DOCK11: variants seen among roughly 807,000 people sequenced by gnomAD.
DOCK11 encodes the protein dedicator of cytokinesis 11.
DOCK11 carries 70 observed loss-of-function variants against 169.1 expected under a neutral mutation model. That is an observed-to-expected ratio of 0.41 (90% confidence interval 0.34 to 0.51). The LOEUF is 0.51. Ranked by LOEUF, DOCK11 falls within the 20% of genes least tolerant of loss-of-function variation. The probability of loss-of-function intolerance (pLI) is 0.10; values close to 1 mark genes in which losing one functional copy is unlikely to be tolerated. For synonymous variants in DOCK11, 529 were observed against 541.3 expected, an observed-to-expected ratio of 0.98 and a Z score of 0.32; for missense variants, 1,166 against 1,538.8, an observed-to-expected ratio of 0.76 and a Z score of 4.05.
At chrX:118,597,700 C>A in intron 21 of DOCK11, 148 bp downstream of exon 21, 1 of 623,462 alleles carries the variant, frequency 1.6e-6, no homozygotes, top group Non-Finnish European at 2.3e-6. Flanking sequence ...ATGGAATGTG[C>A]ATGTTTAGAA....
In DOCK11 at chrX:118,542,718, T is replaced by C; in HGVS notation, c.103-7T>C. ...TCATAATAACTTTACTTTTGTCTCTTATAAAGGAAAAGGCCAAAGTTGTTG... is the reference window on the plus strand; with the variant it reads ...TCATAATAACTTTACTTTTGTCTCTCATAAAGGAAAAGGCCAAAGTTGTTG... On this transcript the variant is annotated splice_region_variant and splice_polypyrimidine_tract_variant and intron_variant, in intron 1 of 52. Transcript: ENST00000276202. 1 of 1,182,756 alleles carries C rather than the reference T, an allele frequency of 8.5e-7. No homozygotes were observed. The highest frequency in any genetic ancestry group is 1.8e-5 in the South Asian group (1 of 55,119).
intron 48 of DOCK11, among the ~76,000 whole-genome samples, chrX:118,678,772 C>T (rs944767465): frequency 1.9e-5 from 2 of 106,736 alleles, no homozygotes; most frequent in Non-Finnish European, 3.9e-5. Flanking sequence ...CACGCCTGGC[C>T]GCTTTTAATT....
At chrX:118,658,804 C>G (rs762999009) in intron 44 of DOCK11, among the ~76,000 whole-genome samples, 30 of 111,701 alleles carry the variant, frequency 2.7e-4, no homozygotes, top group African/African-American at 9.4e-4. Context: ...CACATTCTCC[C>G]TTTTTTCTTT....
intron 52 of DOCK11, among the ~76,000 whole-genome samples, chrX:118,683,800 A>T (rs7881623): frequency 1.8e-5 from 2 of 112,355 alleles, no homozygotes; most frequent in East Asian, 2.8e-4. Context: ...GGATTTTTCA[A>T]ATCTACTGTC....
At chrX:118,526,963 G>A (rs1240467155) in intron 1 of DOCK11, among the ~76,000 whole-genome samples, 1 of 111,474 alleles carries the variant, frequency 9.0e-6, no homozygotes, top group African/African-American at 3.3e-5. Context: ...AAACACGATG[G>A]GACTCCAAAA....
intron 40 of DOCK11, among the ~76,000 whole-genome samples, chrX:118,647,765 T>TA (rs2015757397): frequency 5.6e-5 from 2 of 35,511 alleles, no homozygotes; most frequent in East Asian, 1.5e-3. Context: ...ATATAATATA[T>TA]TATAATATAT....
At chrX:118,643,730 A>G (rs2049410526) in intron 40 of DOCK11, 136 bp downstream of exon 40, 1 of 705,616 alleles carries the variant, frequency 1.4e-6, no homozygotes, top group African/African-American at 2.2e-5. Flanking sequence ...GTAAATAGAA[A>G]TACAGAACAA....
chrX:118,560,652 A>G (rs771544828), intron 6 of DOCK11, among the ~76,000 whole-genome samples: 6 of 111,935 alleles, frequency 5.4e-5, no homozygotes, highest in Non-Finnish European at 1.1e-4. Context: ...CAGACTGTCA[A>G]AGTCTGTTTT....
intron 33 of DOCK11, 45 bp downstream of exon 33, chrX:118,627,624 C>A: frequency 1.1e-6 from 1 of 912,295 alleles, no homozygotes; most frequent in Non-Finnish European, 1.6e-6. Context: ...GGTGTTTAGA[C>A]ATGTACCCTC....
intron 14 of DOCK11, among the ~76,000 whole-genome samples, chrX:118,581,958 C>T (rs1454872099): frequency 3.7e-5 from 4 of 109,239 alleles, no homozygotes; most frequent in African/African-American, 6.7e-5. Context: ...GGTGAAACCC[C>T]GTCTCTGCTA....
chrX:118,637,184 A>C (rs1221229582), intron 36 of DOCK11, among the ~76,000 whole-genome samples: 1 of 110,748 alleles, frequency 9.0e-6, no homozygotes, highest in Non-Finnish European at 1.9e-5. Context: ...TTTACTAATG[A>C]AAATATCTGA....
Position 118,608,151 on chromosome X carries a change from G to C in DOCK11, c.2751+10G>C, listed in dbSNP as rs760402104. 16 of 1,196,118 alleles carry C rather than the reference G, an allele frequency of 1.3e-5. No homozygotes were observed. Among genetic ancestry groups the C allele is most frequent in the Non-Finnish European group, 1.8e-5 (16 of 888,965 alleles). ...AAGATCATTCATAAAGGTTTGTGGA[G>C]TAAAGTTTCTTTCTGAGCAATTTGT... On this transcript the variant is annotated intron_variant, in intron 25 of 52. Transcript: ENST00000276202.
intron 1 of DOCK11, among the ~76,000 whole-genome samples, chrX:118,522,316 TA>T (rs113083719): frequency 7.1e-4 from 72 of 101,465 alleles, no homozygotes; most frequent in Non-Finnish European, 5.3e-4. Context: ...AGACTTTGTC[TA>T]AAAAAAAAAA....
chrX:118,502,199 C>T (rs1361915102), intron 1 of DOCK11, among the ~76,000 whole-genome samples: 3 of 111,467 alleles, frequency 2.7e-5, no homozygotes, highest in Non-Finnish European at 3.8e-5. Flanking sequence ...CCAGCCCTGA[C>T]AAATGATTAT....
chrX:118,641,767 T>C (rs779121151), intron 39 of DOCK11, among the ~76,000 whole-genome samples: 3 of 111,210 alleles, frequency 2.7e-5, no homozygotes, highest in East Asian at 5.7e-4. Context: ...GCTATGATTT[T>C]AAAAAGAAGG....
intron 12 of DOCK11, among the ~76,000 whole-genome samples, chrX:118,577,666 T>G: frequency 8.9e-6 from 1 of 111,828 alleles, no homozygotes; most frequent in East Asian, 2.8e-4. Context: ...CTCTTAACAC[T>G]CAATTTTCTA....
At chrX:118,549,140 A>G (rs2012396804) in intron 6 of DOCK11, among the ~76,000 whole-genome samples, 1 of 43,819 alleles carries the variant, frequency 2.3e-5, no homozygotes, top group South Asian at 7.0e-4. Flanking sequence ...GATCATTAAC[A>G]TATAAAACTT....
At position 118,676,574 on chromosome X, in the gene DOCK11, GTTTAAC is replaced by G. The variant is rs2016613864; in HGVS notation, c.5314-12_5314-7del. 2.9e-6 allele frequency: 3 copies of G among 1,018,982 alleles called. No homozygotes were observed. The highest frequency in any genetic ancestry group is 3.9e-6 in the Non-Finnish European group (3 of 766,276). The allele number at this position is 1,018,982 out of a possible 1,213,427, so 84.0% of individuals were successfully genotyped here. On this transcript the variant is annotated splice_polypyrimidine_tract_variant and intron_variant, in intron 47 of 52. Coordinates refer to ENST00000276202, the MANE Select transcript of DOCK11 (RefSeq NM_144658.4). The stretch of plus-strand genomic sequence containing the variant: ...TCATATTATTTATAAGTTATTATTT[GTTTAAC>G]TTTATAATAGTCTTTTTTTGAAGAA...
chrX:118,554,042 G>T (rs760744651), intron 6 of DOCK11, among the ~76,000 whole-genome samples: 1 of 111,259 alleles, frequency 9.0e-6, no homozygotes, highest in Admixed American at 9.6e-5. Flanking sequence ...TTACTATATT[G>T]CCCTGGCTGG....
Sources: allele counts gnomAD v4.1 joint callset (sites outside exome capture counted in the v4.1 genomes callset), GRCh38; gene constraint gnomAD v4.1.1; transcripts MANE v1.5; gene names NCBI Gene and HGNC (gene_info 2026-07-23, HGNC 2026-07-21).